Variants in RGP1 observed in about 807,000 individuals in gnomAD.
RGP1 encodes the protein RGP1 partner of RAB6A GEF complex, also known as RAB6A-GEF complex partner protein 2.
RGP1 carries 28 observed loss-of-function variants against 44.5 expected under a neutral mutation model. That is an observed-to-expected ratio of 0.63 (90% confidence interval 0.47 to 0.86). The LOEUF (loss-of-function observed/expected upper bound fraction) is 0.86. Ranked by LOEUF, RGP1 falls within the 40% of genes least tolerant of loss-of-function variation. The pLI is 0.00. For synonymous variants in RGP1, 212 were observed against 196.7 expected, an observed-to-expected ratio of 1.08 and a Z score of -0.65; for missense variants, 417 against 490.7, an observed-to-expected ratio of 0.85 and a Z score of 1.42.
the RGP1 span, among the ~76,000 whole-genome samples, chr9:35,782,057 G>A: frequency 6.9e-6 from 1 of 145,498 alleles, no homozygotes; most frequent in Non-Finnish European, 1.5e-5. Flanking sequence ...TGTGATCTCG[G>A]CTCACTGCAA....
downstream of RGP1, among the ~76,000 whole-genome samples, chr9:35,760,429 A>G (rs900821484): frequency 6.6e-6 from 1 of 152,246 alleles, no homozygotes; most frequent in Non-Finnish European, 1.5e-5. Flanking sequence ...TGTGACAACC[A>G]AAATGTCTCC....
At chr9:35,787,681 C>T in the RGP1 span, among the ~76,000 whole-genome samples, 1 of 152,224 alleles carries the variant, frequency 6.6e-6, no homozygotes, top group African/African-American at 2.4e-5. Context: ...TCTGTCTCTC[C>T]CTTATGGGGC....
chr9:35,763,447 G>A (rs1827436333), downstream of RGP1, among the ~76,000 whole-genome samples: 1 of 152,110 alleles, frequency 6.6e-6, no homozygotes, highest in Non-Finnish European at 1.5e-5. Flanking sequence ...AATCAGGCAT[G>A]ACAAGAAGAT....
the RGP1 span, among the ~76,000 whole-genome samples, chr9:35,776,009 A>T: frequency 6.6e-6 from 1 of 152,188 alleles, no homozygotes; most frequent in East Asian, 1.9e-4. Flanking sequence ...TAAGGCCTAG[A>T]TTTGAAAGAA....
Position 35,754,164 on chromosome 9 carries a change from C to T in RGP1, c.*1290C>T. On this transcript the variant is annotated 3_prime_UTR_variant, in exon 9 of 9. Coordinates refer to ENST00000378078, the MANE Select transcript of RGP1 (RefSeq NM_001080496.3). ...ACAGCCCTCTCAGACCCTTCTTGGCCTCTGCTCAGCTACTCTGGTCTTGAC... is the reference window on the plus strand; with the variant it reads ...ACAGCCCTCTCAGACCCTTCTTGGCTTCTGCTCAGCTACTCTGGTCTTGAC... The T allele has an allele frequency of 6.3e-7, 1 of 1,591,896 alleles. No individual in the cohort carries two copies. Among genetic ancestry groups the T allele is most frequent in the Non-Finnish European group, 8.6e-7 (1 of 1,167,192 alleles).
In RGP1 at chr9:35,751,269, T is replaced by C. The variant is rs776567266; in HGVS notation, c.491T>C (p.Leu164Pro). 6 of 1,613,948 alleles carry C rather than the reference T, an allele frequency of 3.7e-6. No homozygotes were observed. The South Asian group carries it at 6.6e-5, about 18-fold the overall frequency. Residue 164 changes from leucine to proline, a missense_variant, in exon 6 of 9, where the codon CTT (leucine) becomes CCT (proline). Coordinates refer to ENST00000378078, the MANE Select transcript of RGP1 (RefSeq NM_001080496.3). ...TCTCCACTCATTCTTTCTCTAGGCC[T>C]TCAGGATGTCCGGTTTCCCCAGGAT... is the stretch of plus-strand genomic sequence containing the variant. ...VPLRVLVLTGLQDVRFPQDEA... is the reference protein window; with the variant it reads ...VPLRVLVLTGPQDVRFPQDEA...
chr9:35,750,061 G>A (rs145559466), intron 2 of RGP1, among the ~76,000 whole-genome samples, 182 bp from the exon 3 acceptor site: 2 of 152,260 alleles, frequency 1.3e-5, no homozygotes, highest in Non-Finnish European at 2.9e-5. Flanking sequence ...CCCCTCCCCC[G>A]TTCCCCTTTT....
chr9:35,779,147 T>G, the RGP1 span, among the ~76,000 whole-genome samples: 1 of 152,180 alleles, frequency 6.6e-6, no homozygotes, highest in African/African-American at 2.4e-5. Context: ...GAGTTGCTAA[T>G]AATTGGATCA....
chr9:35,751,329 A>C lies in RGP1; in HGVS notation c.551A>C (p.Glu184Ala). 1 of 1,613,938 alleles carries C rather than the reference A, an allele frequency of 6.2e-7. No individual in the cohort carries two copies. Among genetic ancestry groups the C allele is most frequent in the Non-Finnish European group, 8.5e-7 (1 of 1,179,854 alleles). Residue 184 changes from glutamate (E) to alanine (A), a missense_variant, in exon 6 of 9, where the codon GAG becomes GCG. Physicochemically the swap from Glu to Ala is moderately radical, Grantham distance 107. Coordinates refer to ENST00000378078, the MANE Select transcript of RGP1 (RefSeq NM_001080496.3). ...GCCCCATCCAGTCCATTCTTGGAGG[A>C]GGATGAAGGTGGGAAGAAAGATTCA... ...AVAPSSPFLE[E>A]DEGGKKDSWL...
At chr9:35,751,848 G>C in intron 7 of RGP1, 94 bp downstream of exon 7, 1 of 1,584,934 alleles carries the variant, frequency 6.3e-7, no homozygotes, top group Non-Finnish European at 8.6e-7. Context: ...ATGTAGAAGG[G>C]GATAGTGGGG....
chr9:35,785,889 C>T, the RGP1 span, among the ~76,000 whole-genome samples: 2 of 152,148 alleles, frequency 1.3e-5, no homozygotes, highest in Non-Finnish European at 2.9e-5. Flanking sequence ...TTGTTCCTCT[C>T]TCCATTACTA....
downstream of RGP1, among the ~76,000 whole-genome samples, chr9:35,761,310 G>T (rs1328478776): frequency 6.6e-6 from 1 of 152,188 alleles, no homozygotes; most frequent in Non-Finnish European, 1.5e-5. Context: ...TTTACAATTT[G>T]CTTTGGGCCA....
At chr9:35,773,893 A>G in the RGP1 span, among the ~76,000 whole-genome samples, 2 of 150,862 alleles carry the variant, frequency 1.3e-5, no homozygotes, top group Non-Finnish European at 3.0e-5. Flanking sequence ...CTGGTCTTGA[A>G]CTCCTGAGCT....
the RGP1 span, among the ~76,000 whole-genome samples, chr9:35,782,055 C>T: frequency 2.2e-5 from 3 of 136,048 alleles, no homozygotes; most frequent in East Asian, 4.5e-4. Flanking sequence ...GGTGTGATCT[C>T]GGCTCACTGC....
At chr9:35,779,583 G>A in the RGP1 span, among the ~76,000 whole-genome samples, 143 of 152,328 alleles carry the variant, frequency 9.4e-4, no homozygotes, top group African/African-American at 3.1e-3. Flanking sequence ...CCGGGCTTGA[G>A]CCATCATGCT....
the RGP1 span, among the ~76,000 whole-genome samples, chr9:35,777,585 C>T: frequency 6.6e-6 from 1 of 152,026 alleles, no homozygotes; most frequent in Non-Finnish European, 1.5e-5. Context: ...TCCCAAAGTG[C>T]TAGGATTACA....
chr9:35,776,283 CCTT>C, the RGP1 span, among the ~76,000 whole-genome samples: 1,591 of 151,874 alleles, frequency 0.01, 16 homozygotes, highest in Middle Eastern at 0.048. Context: ...TTCTCCTTCT[CCTT>C]CTTCTTCTTT....
chr9:35,775,664 C>T, the RGP1 span, among the ~76,000 whole-genome samples: 1 of 152,180 alleles, frequency 6.6e-6, no homozygotes, highest in Non-Finnish European at 1.5e-5. Context: ...CTAAGTTGAA[C>T]AGTTTCTCTT....
the RGP1 span, among the ~76,000 whole-genome samples, chr9:35,784,339 A>G: frequency 6.6e-6 from 1 of 152,162 alleles, no homozygotes; most frequent in Non-Finnish European, 1.5e-5. Flanking sequence ...GTCCAATGTC[A>G]TGAAGGGTTT....
Sources: gnomAD v4.1 joint callset for allele counts (sites outside exome capture counted in the v4.1 genomes callset) on GRCh38, gnomAD v4.1.1 for gene constraint, MANE v1.5 for transcripts, NCBI Gene and HGNC (gene_info 2026-07-23, HGNC 2026-07-21) for gene names.